Variants in SHISA9 observed in about 807,000 individuals in gnomAD.
The protein encoded by SHISA9 is shisa family member 9, also known as protein shisa-9.
Under a neutral mutation model 38.0 loss-of-function variants are expected in SHISA9, and 13 were observed. That is an observed-to-expected ratio of 0.34 (90% confidence interval 0.22 to 0.54). The LOEUF (loss-of-function observed/expected upper bound fraction) is 0.54. Among genes scored for constraint, SHISA9 ranks in the 20% least tolerant of loss-of-function variants. SHISA9 has a pLI of 0.91. For synonymous variants in SHISA9, 275 were observed against 242.0 expected (o/e 1.14, Z -1.27); for missense variants, 538 against 575.8 (o/e 0.93, Z 0.67).
At chr16:13,018,674 C>T (rs892891149) in intron 2 of SHISA9, among the ~76,000 whole-genome samples, 10 of 152,178 alleles carry the variant, frequency 6.6e-5, no homozygotes, top group African/African-American at 2.2e-4. Flanking sequence ...ATTTCCAAAG[C>T]GTACATCTGC....
At chr16:13,463,652 G>C in the SHISA9 span, among the ~76,000 whole-genome samples, 1 of 152,196 alleles carries the variant, frequency 6.6e-6, no homozygotes, top group Non-Finnish European at 1.5e-5. Context: ...CTTAAAGAAA[G>C]AGCTTCCTTA....
chr16:12,968,748 G>C (rs1034198912), intron 2 of SHISA9, among the ~76,000 whole-genome samples: 1 of 152,138 alleles, frequency 6.6e-6, no homozygotes, highest in African/African-American at 2.4e-5. Flanking sequence ...AAATATTTTA[G>C]GCTTGTGAGT....
In SHISA9 at chr16:13,197,102, C is replaced by CATATATATATAT. The variant is rs139944963; in HGVS notation, c.692-6289_692-6288insTATATATATATA. On this transcript the variant is annotated intron_variant, in intron 2 of 4. Transcript: ENST00000558583. Reference sequence around the variant, plus strand: ...GTGAAACTGTATCTCTCTCTCTGTACATACACACACACACACACACACACA... The same window carrying CATATATATATAT: ...GTGAAACTGTATCTCTCTCTCTGTACATATATATATATATACACACACACACACACACACACA... 4.5e-4 allele frequency among the ~76,000 whole-genome samples: 66 copies of CATATATATATAT among 147,020 alleles called. 1 individual carries two copies. Among genetic ancestry groups the CATATATATATAT allele is most frequent in the African/African-American group, 1.6e-3 (63 of 39,972 alleles).
At chr16:13,048,852 T>A (rs550255409) in intron 2 of SHISA9, among the ~76,000 whole-genome samples, 1 of 152,346 alleles carries the variant, frequency 6.6e-6, no homozygotes, top group East Asian at 1.9e-4. Flanking sequence ...ACTGCTTGAA[T>A]ATGTGAGGGA....
At chr16:13,398,121 C>G in the SHISA9 span, among the ~76,000 whole-genome samples, 1 of 152,174 alleles carries the variant, frequency 6.6e-6, no homozygotes. Context: ...CCGCTTGTGT[C>G]TCTGCCTACT....
At chr16:13,108,727 A>G (rs1322304499) in intron 2 of SHISA9, among the ~76,000 whole-genome samples, 1 of 152,214 alleles carries the variant, frequency 6.6e-6, no homozygotes, top group Admixed American at 6.5e-5. Flanking sequence ...GCTTTTTACC[A>G]TTGGGGGAAA....
chr16:13,555,347 T>C, the SHISA9 span, among the ~76,000 whole-genome samples: 1 of 152,166 alleles, frequency 6.6e-6, no homozygotes, highest in Non-Finnish European at 1.5e-5. Flanking sequence ...AAGCGTTTTT[T>C]GATAATGAAT....
At chr16:13,371,325 T>G in the SHISA9 span, among the ~76,000 whole-genome samples, 10 of 152,284 alleles carry the variant, frequency 6.6e-5, no homozygotes, top group Middle Eastern at 6.8e-3. Context: ...CCCCATAGAT[T>G]CTGATGCAAT....
intron 2 of SHISA9, among the ~76,000 whole-genome samples, chr16:13,114,688 T>A (rs2074013649): frequency 6.6e-6 from 1 of 151,218 alleles, no homozygotes; most frequent in African/African-American, 2.4e-5. Context: ...ACCAGGCAAT[T>A]ATAGTAATGA....
At chr16:13,231,686 G>A (rs2051332805) in intron 4 of SHISA9, among the ~76,000 whole-genome samples, 1 of 152,212 alleles carries the variant, frequency 6.6e-6, no homozygotes, top group Non-Finnish European at 1.5e-5. Context: ...TTAATATGTG[G>A]CTTCCTGGGT....
intron 1 of SHISA9, among the ~76,000 whole-genome samples, chr16:12,916,009 GTGTTTTTTT>G (rs2071250617): frequency 9.8e-6 from 1 of 102,284 alleles, no homozygotes; most frequent in African/African-American, 3.4e-5. Flanking sequence ...GTGTGTGTGT[GTGTTTTTTT>G]TTTTTTTTTT....
the SHISA9 span, among the ~76,000 whole-genome samples, chr16:13,391,144 A>C: frequency 4.6e-5 from 7 of 152,200 alleles, no homozygotes; most frequent in African/African-American, 1.7e-4. Context: ...CATTCACTGA[A>C]ACCATAAAGC....
the SHISA9 span, among the ~76,000 whole-genome samples, chr16:13,517,133 T>C: frequency 2.6e-5 from 4 of 152,088 alleles, no homozygotes; most frequent in Non-Finnish European, 4.4e-5. Flanking sequence ...GAAGAGGACA[T>C]GCAGAGACAC....
At chr16:13,309,878 C>CTATTTATTTATT in the SHISA9 span, among the ~76,000 whole-genome samples, 42 of 151,264 alleles carry the variant, frequency 2.8e-4, no homozygotes, top group Non-Finnish European at 5.8e-4. Flanking sequence ...ATTTACTTAT[C>CTATTTATTTATT]TATTTATTTA....
At chr16:13,104,394 T>C (rs984334841) in intron 2 of SHISA9, among the ~76,000 whole-genome samples, 1 of 152,142 alleles carries the variant, frequency 6.6e-6, no homozygotes, top group African/African-American at 2.4e-5. Flanking sequence ...CAAAGACATA[T>C]CCATGAATAT....
At chr16:13,079,534 AT>A (rs911329664) in intron 2 of SHISA9, among the ~76,000 whole-genome samples, 8 of 152,164 alleles carry the variant, frequency 5.3e-5, no homozygotes, top group Non-Finnish European at 1.0e-4. Flanking sequence ...AATTACACTC[AT>A]TTTTCCCACC....
chr16:13,131,642 G>A (rs2050307837), intron 2 of SHISA9, among the ~76,000 whole-genome samples: 3 of 152,212 alleles, frequency 2.0e-5, no homozygotes, highest in African/African-American at 4.8e-5. Context: ...AAAAAAAAAG[G>A]TTTTATTTAC....
the SHISA9 span, among the ~76,000 whole-genome samples, chr16:13,325,463 T>A: frequency 6.6e-6 from 1 of 152,186 alleles, no homozygotes; most frequent in African/African-American, 2.4e-5. Flanking sequence ...TTCTTTAGGA[T>A]TCCTTTGGCC....
intron 2 of SHISA9, among the ~76,000 whole-genome samples, chr16:13,005,336 G>A (rs1440997243): frequency 6.6e-6 from 1 of 152,164 alleles, no homozygotes; most frequent in Non-Finnish European, 1.5e-5. Context: ...CAGCTGCTAA[G>A]GAAATATAGA....
Sources: allele counts gnomAD v4.1 joint callset (sites outside exome capture counted in the v4.1 genomes callset), GRCh38; gene constraint gnomAD v4.1.1; transcripts MANE v1.5; gene names NCBI Gene and HGNC (gene_info 2026-07-23, HGNC 2026-07-21).